Variants in ODF2L observed in about 807,000 individuals in gnomAD.
ODF2L encodes protein BCAP.
Under a neutral mutation model 86.3 loss-of-function variants are expected in ODF2L, and 76 were observed. The observed-to-expected ratio is 0.88, with a 90% CI of 0.73 to 1.07. The LOEUF (loss-of-function observed/expected upper bound fraction) is 1.07. ODF2L is among the 50% of genes least tolerant of loss of function. ODF2L has a pLI of 0.00. For missense variants in ODF2L, 748 were observed against 717.4 expected, an observed-to-expected ratio of 1.04 and a Z score of -0.49; for synonymous variants, 241 against 231.3, an observed-to-expected ratio of 1.04 and a Z score of -0.38.
At chr1:86,374,518 A>G (rs533547637) in intron 8 of ODF2L, among the ~76,000 whole-genome samples, 1 of 152,148 alleles carries the variant, frequency 6.6e-6, no homozygotes, top group Non-Finnish European at 1.5e-5. Context: ...CTAATTTTCA[A>G]AGAAGGAAAT....
intron 11 of ODF2L, among the ~76,000 whole-genome samples, chr1:86,366,046 T>G (rs1256023433): frequency 6.6e-6 from 1 of 152,152 alleles, no homozygotes; most frequent in Non-Finnish European, 1.5e-5. Context: ...TTTTGGCATT[T>G]TTAGGAGCCA....
In ODF2L at chr1:86,360,554, G is replaced by A. The variant is rs376042630; in HGVS notation, c.1144-18C>T. 1.4e-4 allele frequency: 163 copies of A among 1,156,250 alleles called. No individual in the cohort carries two copies. The African/African-American group carries it at 2.2e-3, about 16-fold the overall frequency. 71.6% of individuals were successfully genotyped at this position (1,156,250 alleles called of 1,614,324 possible). A position where few individuals can be genotyped will look rare whatever the true frequency, so the allele number is the denominator to read the frequency against. The stretch of plus-strand genomic sequence containing the variant: ...AGTGTAGTCTAGCAAAAAAGATATA[G>A]ATTTTATAAGTCATTAGAATACATT... On this transcript the variant is annotated intron_variant, in intron 11 of 17. Coordinates refer to ENST00000317336, the Ensembl canonical transcript of ODF2L.
chr1:86,365,423 A>C (rs1659336472), intron 11 of ODF2L, among the ~76,000 whole-genome samples: 1 of 152,170 alleles, frequency 6.6e-6, no homozygotes, highest in Non-Finnish European at 1.5e-5. Flanking sequence ...TGGAGGGAAG[A>C]AAAGCCCTCA....
At chr1:86,355,126 C>T (rs1434871911) in intron 14 of ODF2L, 1 of 541,904 alleles carries the variant, frequency 1.8e-6, no homozygotes, top group African/African-American at 1.9e-5. Flanking sequence ...CTTTGAACAA[C>T]ACCTTATTGA....
At chr1:86,392,526 T>C (rs1051340618) in intron 1 of ODF2L, among the ~76,000 whole-genome samples, 4 of 152,174 alleles carry the variant, frequency 2.6e-5, no homozygotes, top group African/African-American at 7.2e-5. Context: ...ATGGATGGAA[T>C]TGGAGACTAT....
At chr1:86,395,212 T>C (rs1661647403) in intron 1 of ODF2L, among the ~76,000 whole-genome samples, 1 of 152,202 alleles carries the variant, frequency 6.6e-6, no homozygotes, top group Non-Finnish European at 1.5e-5. Flanking sequence ...CAAAAACACT[T>C]GAAACCGTAC....
At chr1:86,375,164 A>C (rs1660081573) in intron 8 of ODF2L, among the ~76,000 whole-genome samples, 1 of 152,194 alleles carries the variant, frequency 6.6e-6, no homozygotes, top group South Asian at 2.1e-4. Context: ...AGATACCTGA[A>C]TGATTAAAAA....
At chr1:86,380,962 A>C (rs1205657797) in intron 7 of ODF2L, among the ~76,000 whole-genome samples, 2 of 151,772 alleles carry the variant, frequency 1.3e-5, no homozygotes, top group African/African-American at 4.8e-5. Context: ...CTCAAAAAAA[A>C]AACAACACAA....
At chr1:86,366,417 CACACACACACACACACATACACAT>C (rs1659430581) in intron 11 of ODF2L, among the ~76,000 whole-genome samples, 1 of 143,382 alleles carries the variant, frequency 7.0e-6, no homozygotes, top group Non-Finnish European at 1.5e-5. Context: ...CACACACACA[CACACACACACACACACATACACAT>C]ACACATACAC....
chr1:86,395,093 T>G (rs1337312064), intron 1 of ODF2L, among the ~76,000 whole-genome samples: 3 of 152,302 alleles, frequency 2.0e-5, no homozygotes, highest in South Asian at 4.1e-4. Context: ...TCCGCCCGCC[T>G]CGGCCTCCCA....
intron 14 of ODF2L, chr1:86,355,230 C>CTTTTTTTTT: frequency 1.4e-6 from 1 of 704,888 alleles, no homozygotes; most frequent in East Asian, 2.8e-5. Flanking sequence ...TTATGGTTTT[C>CTTTTTTTTT]TGTTTCACCT....
intron 11 of ODF2L, among the ~76,000 whole-genome samples, chr1:86,366,038 T>C (rs1004191311): frequency 5.9e-5 from 9 of 152,300 alleles, no homozygotes; most frequent in African/African-American, 1.4e-4. Flanking sequence ...CGCATGTATT[T>C]TGGCATTTTT....
chr1:86,346,896 AGAGTT>A (rs1224747929), downstream of ODF2L: 3 of 152,230 alleles, frequency 2.0e-5, no homozygotes, highest in East Asian at 5.8e-4. Flanking sequence ...TAGTATGGTG[AGAGTT>A]AAGAGCAGAG....
downstream of ODF2L, chr1:86,348,964 C>A: frequency 1.5e-6 from 2 of 1,318,970 alleles, no homozygotes; most frequent in South Asian, 1.6e-5. Context: ...AACATATATA[C>A]AATAACTAGA....
At chr1:86,382,151 A>G in intron 7 of ODF2L, 91 bp downstream of exon 7, 3 of 1,403,930 alleles carry the variant, frequency 2.1e-6, no homozygotes, top group Non-Finnish European at 2.8e-6. Flanking sequence ...GTATTTTAAA[A>G]CCACCAAATT....
exon 18 of ODF2L, chr1:86,352,063 G>A (rs538260193): frequency 2.2e-6 from 3 of 1,346,172 alleles, no homozygotes; most frequent in South Asian, 4.4e-5. Flanking sequence ...TCGACGTTTT[G>A]TTCTGACTAA....
At chr1:86,358,986 T>C in intron 12 of ODF2L, 95 bp from the exon 12 acceptor site, 1 of 620,396 alleles carries the variant, frequency 1.6e-6, no homozygotes, top group Non-Finnish European at 2.7e-6. Context: ...CAAGTCATTA[T>C]TTTCCTATCA....
chr1:86,351,923 TC>T (rs1658165794), exon 18 of ODF2L: 1 of 1,176,020 alleles, frequency 8.5e-7, no homozygotes, highest in Admixed American at 4.4e-5. Flanking sequence ...AAAACCCACC[TC>T]ATTTATTTTT....
At chr1:86,348,547 T>A (rs1657917937), downstream of ODF2L, 1 of 319,106 alleles carries the variant, frequency 3.1e-6, no homozygotes, top group African/African-American at 2.2e-5. Context: ...ATAAGAATTA[T>A]CCAGCAAACA....
Sources: gnomAD v4.1 joint callset for allele counts (sites outside exome capture counted in the v4.1 genomes callset) on GRCh38, gnomAD v4.1.1 for gene constraint, MANE v1.5 for transcripts, NCBI Gene and HGNC (gene_info 2026-07-23, HGNC 2026-07-21) for gene names.